The following MYH14 variants were observed in gnomAD, a reference collection of about 807,000 sequenced individuals.
MYH14 encodes myosin heavy chain 14.
In MYH14, 123 loss-of-function variants were observed where a neutral mutation model predicts 255.5. That is an observed-to-expected ratio of 0.48 (90% CI 0.42 to 0.56). MYH14 has a LOEUF of 0.56. Among genes scored for constraint, MYH14 ranks in the 20% least tolerant of loss-of-function variants. The pLI, the probability that MYH14 is intolerant of heterozygous loss-of-function variation, is 0.00. For missense variants in MYH14, 2,423 were observed against 2,802.3 expected, an observed-to-expected ratio of 0.86 and a Z score of 3.06; for synonymous variants, 1,095 against 1,161.2, an observed-to-expected ratio of 0.94 and a Z score of 1.16.
intron 8 of MYH14, among the ~76,000 whole-genome samples, chr19:50,228,780 C>T (rs2033233087): frequency 6.6e-6 from 1 of 152,224 alleles, no homozygotes; most frequent in Admixed American, 6.5e-5. Flanking sequence ...CCACGCTCCC[C>T]ATGCAGTGTG....
rs375021888 is a variant in MYH14 at position 50,284,028 on chromosome 19, T to C, written c.4539+2186T>C. 9.9e-5 allele frequency among the ~76,000 whole-genome samples: 15 copies of C among 151,116 alleles called. No homozygotes were observed. In the South Asian group the frequency reaches 2.3e-3, roughly 23 times the overall value. On this transcript the variant is annotated intron_variant, in intron 33 of 42. Coordinates refer to ENST00000642316, the MANE Select transcript of MYH14 (RefSeq NM_001145809.2). ...CGGAGGTTGTGGTGAGCCGAGATCA[T>C]GCCATTGCACTCCAGCCTGGGCAAC...
At chr19:50,290,806 G>A (rs2036045575) in intron 35 of MYH14, 81 bp from the exon 36 acceptor site, 2 of 1,439,322 alleles carry the variant, frequency 1.4e-6, no homozygotes. Context: ...GGAGCTCCAG[G>A]GCAGACATCC....
chr19:50,225,475 G>T (rs984186827), intron 6 of MYH14, 110 bp from the exon 7 acceptor site: 12 of 759,398 alleles, frequency 1.6e-5, no homozygotes, highest in Non-Finnish European at 2.2e-5. Flanking sequence ...ACACACAAAG[G>T]CCCCTCACAC....
At chr19:50,288,475 G>A (rs1177396303) in intron 34 of MYH14, among the ~76,000 whole-genome samples, 1 of 152,188 alleles carries the variant, frequency 6.6e-6, no homozygotes, top group Non-Finnish European at 1.5e-5. Flanking sequence ...TATTTGTAGT[G>A]ACTCCAAAGG....
intron 40 of MYH14, among the ~76,000 whole-genome samples, chr19:50,305,339 A>G (rs115505071): frequency 0.02 from 2,983 of 152,236 alleles, 105 homozygotes; most frequent in African/African-American, 0.068. Flanking sequence ...AGCGGAGGCT[A>G]TGGGTGGTGG....
chr19:50,227,058 C>A, intron 8 of MYH14, 92 bp downstream of exon 8: 3 of 1,234,208 alleles, frequency 2.4e-6, no homozygotes, highest in Non-Finnish European at 3.6e-6. Flanking sequence ...TGCAGGGACC[C>A]CTTACCTGCT....
Position 50,270,137 on chromosome 19 carries a change from C to T in MYH14, c.3034-1272C>T, listed in dbSNP as rs147641103. Among the ~76,000 whole-genome samples the T allele has an allele frequency of 1.0e-3, 154 of 152,278 alleles. 2 individuals are homozygous for T. The highest frequency in any genetic ancestry group is 6.8e-4 in the Non-Finnish European group (46 of 68,024). Reference sequence around the variant, plus strand: ...CCCACGAGGCCTGAGGTGGGAGGATCACCTGAGCCCAGGAGGTCAAGGCTG... The same window carrying T: ...CCCACGAGGCCTGAGGTGGGAGGATTACCTGAGCCCAGGAGGTCAAGGCTG... On this transcript the variant is annotated intron_variant, in intron 24 of 42. Coordinates refer to ENST00000642316, the MANE Select transcript of MYH14 (RefSeq NM_001145809.2).
chr19:50,250,433 T>C lies in MYH14; in HGVS notation c.1657-82T>C. ...TTTGTTTTTATGTCCAAGTGTGACT[T>C]ATAAGAGCTAAAAATCAGCAGCCAC... On this transcript the variant is annotated intron_variant, in intron 14 of 42. Transcript: ENST00000642316. The surrounding 1 kb of genome is among the most constrained non-coding windows in gnomAD (Gnocchi z 5.4). The C allele has an allele frequency of 7.0e-7, 1 of 1,419,916 alleles. No homozygotes were observed. Among genetic ancestry groups the C allele is most frequent in the Non-Finnish European group, 9.7e-7 (1 of 1,027,478 alleles). 88.0% of individuals were successfully genotyped at this position (1,419,916 alleles called of 1,614,324 possible).
intron 10 of MYH14, among the ~76,000 whole-genome samples, chr19:50,233,107 A>T (rs1288074649): frequency 2.0e-5 from 3 of 151,986 alleles, no homozygotes; most frequent in East Asian, 3.9e-4. Flanking sequence ...GCTGCGCGGC[A>T]CTGGTTATTT....
At chr19:50,222,204 G>A (rs1403851730) in intron 3 of MYH14, among the ~76,000 whole-genome samples, 1 of 152,050 alleles carries the variant, frequency 6.6e-6, no homozygotes, top group Admixed American at 6.6e-5. Flanking sequence ...GCTTCGGCCG[G>A]GTGCAGTGGC....
rs76989210 is a variant in MYH14 at position 50,222,906 on chromosome 19, C to T, written c.563-177C>T. 0.017 allele frequency among the ~76,000 whole-genome samples: 2,525 copies of T among 152,244 alleles called. 27 individuals carry two copies. Among genetic ancestry groups the T allele is most frequent in the African/African-American group, 0.034 (1,417 of 41,528 alleles). ...CAGCTGCTTTCCCAGGGTCACACAG[C>T]GAGCAGGGGGCTGAGCTGGGTGGGG... On this transcript the variant is annotated intron_variant, in intron 3 of 42. Coordinates refer to ENST00000642316, the MANE Select transcript of MYH14 (RefSeq NM_001145809.2).
chr19:50,231,770 C>T (rs1036277202), intron 9 of MYH14, among the ~76,000 whole-genome samples, 160 bp from the exon 10 acceptor site: 4 of 150,794 alleles, frequency 2.7e-5, no homozygotes, highest in Non-Finnish European at 4.4e-5. Flanking sequence ...TGCTAAACGC[C>T]CACTCCACCC....
rs1333386041 is a variant in MYH14, at chr19:50,293,603, C to T, written c.5385C>T (p.Arg1795=). The change falls in exon 39 of 43, where the codon CGC becomes CGT. Residue 1795 remains arginine, a synonymous_variant. Transcript: ENST00000642316. The surrounding 1 kb of genome is among the most constrained non-coding windows in gnomAD (Gnocchi z 4.1). ...ILEEKRQLEG[R]LGQLEEELEE... The stretch of plus-strand genomic sequence containing the variant: ...AGGAGAAGCGTCAGCTGGAGGGGCG[C>T]CTGGGGCAGTTGGAGGAAGAGCTGG... The T allele has an allele frequency of 1.9e-6, 3 of 1,612,946 alleles. No individual in the cohort carries two copies. Among genetic ancestry groups the T allele is most frequent in the African/African-American group, 2.7e-5 (2 of 74,882 alleles).
At chr19:50,302,490 G>A (rs1238521338) in intron 40 of MYH14, among the ~76,000 whole-genome samples, 1 of 151,882 alleles carries the variant, frequency 6.6e-6, no homozygotes, top group Non-Finnish European at 1.5e-5. Flanking sequence ...GGCTGAGGCA[G>A]GAGTATTGCT....
At chr19:50,208,756 GT>G (rs1330030928) in intron 1 of MYH14, among the ~76,000 whole-genome samples, 1 of 152,104 alleles carries the variant, frequency 6.6e-6, no homozygotes, top group African/African-American at 2.4e-5. Context: ...ATTTCAGCAT[GT>G]CATCAAATAT....
At chr19:50,253,426 G>A (rs190725099) in intron 16 of MYH14, among the ~76,000 whole-genome samples, 1 of 149,014 alleles carries the variant, frequency 6.7e-6, no homozygotes, top group African/African-American at 2.5e-5. Context: ...CTGGGTGACA[G>A]TGTGAGACTC....
At chr19:50,260,183 T>G (rs545994245) in intron 19 of MYH14, among the ~76,000 whole-genome samples, 2 of 152,196 alleles carry the variant, frequency 1.3e-5, no homozygotes, top group East Asian at 3.8e-4. Context: ...CCCCAGCACT[T>G]TGGGAGGCCG....
rs773145169 is a variant in MYH14, at chr19:50,292,351, C to G, written c.5218C>G (p.Leu1740Val). 6.3e-7 allele frequency: 1 copy of G among 1,591,898 alleles called. No homozygotes were observed. Among genetic ancestry groups the G allele is most frequent in the Non-Finnish European group, 8.5e-7 (1 of 1,169,876 alleles). Residue 1740 changes from leucine (L) to valine (V), a missense_variant, in exon 37 of 43, where the codon CTC becomes GTC. Leu to Val is a conservative substitution (Grantham distance 32). This residue lies in a region of MYH14 where 1,513 missense variants were observed against 1,674.8 expected (regional missense o/e 0.90). Transcript: ENST00000642316. ...FSQNRESEKR[L>V]KGLEAEVLRL... Reference sequence around the variant, plus strand: ...CCAGAATCGGGAAAGTGAAAAGCGCCTCAAGGGCCTGGAGGCTGAGGTGCT... The same window carrying G: ...CCAGAATCGGGAAAGTGAAAAGCGCGTCAAGGGCCTGGAGGCTGAGGTGCT...
intron 40 of MYH14, among the ~76,000 whole-genome samples, chr19:50,306,000 C>T (rs980134655): frequency 3.3e-5 from 5 of 152,044 alleles, no homozygotes; most frequent in African/African-American, 7.3e-5. Context: ...AAGTCTCAGC[C>T]GGGCGCAGTG....
Sources: gnomAD v4.1 joint callset for allele counts (sites outside exome capture counted in the v4.1 genomes callset) on GRCh38, gnomAD v4.1.1 for gene constraint, gnomAD v4.1.1 regional missense constraint, Gnocchi (gnomAD v3.1) non-coding constraint, MANE v1.5 for transcripts, NCBI Gene and HGNC (gene_info 2026-07-23, HGNC 2026-07-21) for gene names.